The following COG5 variants were observed in gnomAD, a reference collection of about 807,000 sequenced individuals.
COG5 encodes the protein conserved oligomeric Golgi complex subunit 5.
Under a neutral mutation model 110.4 loss-of-function variants are expected in COG5, and 86 were observed. That is an observed-to-expected ratio of 0.78 (90% CI 0.65 to 0.93). The LOEUF (loss-of-function observed/expected upper bound fraction) is 0.93, where lower values mean the gene tolerates loss of function less well. Ranked by LOEUF, COG5 falls within the 40% of genes least tolerant of loss-of-function variation. The probability of loss-of-function intolerance (pLI) is 0.00; values close to 1 mark genes in which losing one functional copy is unlikely to be tolerated. For synonymous variants in COG5, 360 were observed against 334.6 expected (o/e 1.08, Z -0.83); for missense variants, 1,077 against 987.0 (o/e 1.09, Z -1.22).
At chr7:107,207,304 A>G (rs747209316) in intron 21 of COG5, among the ~76,000 whole-genome samples, 1 of 152,128 alleles carries the variant, frequency 6.6e-6, no homozygotes, top group Admixed American at 6.5e-5. Context: ...CCCTCCATCG[A>G]TGGAGATCTT....
At chr7:107,206,006 G>A (rs1798749464) in intron 21 of COG5, among the ~76,000 whole-genome samples, 1 of 151,466 alleles carries the variant, frequency 6.6e-6, no homozygotes, top group Non-Finnish European at 1.5e-5. Flanking sequence ...TGTCGCCCAG[G>A]CTGGAGTGCA....
At chr7:107,259,983 T>C (rs1426506001) in intron 14 of COG5, among the ~76,000 whole-genome samples, 2 of 151,784 alleles carry the variant, frequency 1.3e-5, no homozygotes, top group South Asian at 2.1e-4. Context: ...CTGGTGGGAA[T>C]GTAAAATTGG....
intron 11 of COG5, among the ~76,000 whole-genome samples, chr7:107,306,197 T>C (rs980037313): frequency 7.2e-5 from 11 of 152,088 alleles, no homozygotes; most frequent in African/African-American, 2.7e-4. Context: ...AAAAATATAA[T>C]TGTCTAGAGT....
chr7:107,506,292 T>C (rs1798991614), intron 6 of COG5, among the ~76,000 whole-genome samples: 2 of 152,188 alleles, frequency 1.3e-5, no homozygotes, highest in Non-Finnish European at 2.9e-5. Flanking sequence ...GGTCTTATGT[T>C]ACCCAGGGGC....
In COG5 at chr7:107,202,229, GTCA is replaced by G. The variant is rs1374462186; in HGVS notation, c.*1284_*1286del. 8.0e-5 allele frequency: 12 copies of G among 149,596 alleles called. No homozygotes were observed. Among genetic ancestry groups the G allele is most frequent in the African/African-American group, 2.7e-4 (11 of 41,340 alleles). 9.3% of individuals were successfully genotyped at this position (149,596 alleles called of 1,614,324 possible). A position where few individuals can be genotyped will look rare whatever the true frequency, so the allele number is the denominator to read the frequency against. ...CAGCCATGTATCTTAAATATATTTT[GTCA>G]TCATAATCTTTATGGTGGGGGCAGA... On this transcript the variant is annotated 3_prime_UTR_variant, in exon 22 of 22. Transcript: ENST00000297135.
intron 6 of COG5, chr7:107,481,041 G>C (rs1584878984): frequency 1.3e-5 from 2 of 152,250 alleles, no homozygotes; most frequent in East Asian, 3.9e-4. Context: ...ACTTGCACCA[G>C]CAAGTGGTAA....
intron 6 of COG5, among the ~76,000 whole-genome samples, chr7:107,516,991 T>C (rs1042393648): frequency 2.6e-5 from 4 of 152,292 alleles, no homozygotes; most frequent in African/African-American, 9.6e-5. Flanking sequence ...GGCGCAGAAC[T>C]GGACGGAGGA....
At chr7:107,290,639 GA>G (rs1484525100) in intron 12 of COG5, among the ~76,000 whole-genome samples, 4 of 152,094 alleles carry the variant, frequency 2.6e-5, no homozygotes, top group Admixed American at 2.6e-4. Context: ...TTAAATCAAG[GA>G]AAGTATTTTG....
intron 6 of COG5, among the ~76,000 whole-genome samples, chr7:107,427,227 T>C (rs1793699003): frequency 6.6e-6 from 1 of 152,158 alleles, no homozygotes; most frequent in African/African-American, 2.4e-5. Context: ...AGGAAAATAA[T>C]GGAGGGTTCC....
chr7:107,275,232 T>A (rs1314435410), intron 14 of COG5, among the ~76,000 whole-genome samples: 2 of 151,616 alleles, frequency 1.3e-5, no homozygotes, highest in Non-Finnish European at 2.9e-5. Flanking sequence ...GGTGGGAGGT[T>A]GCTTGAGGCC....
intron 6 of COG5, among the ~76,000 whole-genome samples, chr7:107,487,394 G>T (rs960143690): frequency 1.6e-4 from 25 of 151,978 alleles, no homozygotes; most frequent in Admixed American, 3.3e-4. Flanking sequence ...AGAGATGGGG[G>T]TCTCACTATG....
intron 12 of COG5, among the ~76,000 whole-genome samples, chr7:107,297,214 G>A (rs927370279): frequency 1.1e-4 from 16 of 152,110 alleles, no homozygotes; most frequent in African/African-American, 3.9e-4. Context: ...TACAATGGTC[G>A]TGGCTGTAAT....
intron 21 of COG5, chr7:107,210,146 T>G (rs967034233): frequency 1.9e-6 from 2 of 1,076,322 alleles, no homozygotes; most frequent in Admixed American, 4.6e-5. Context: ...TTTTTAAAAA[T>G]TCACTCACAT....
chr7:107,407,162 A>C (rs2129063756), intron 7 of COG5, among the ~76,000 whole-genome samples: 1 of 152,258 alleles, frequency 6.6e-6, no homozygotes, highest in African/African-American at 2.4e-5. Flanking sequence ...CGGGTCGATC[A>C]TCTGAGGTCA....
chr7:107,436,025 G>C (rs1246985781), intron 6 of COG5, among the ~76,000 whole-genome samples: 1 of 152,208 alleles, frequency 6.6e-6, no homozygotes, highest in Non-Finnish European at 1.5e-5. Flanking sequence ...ATGATATTAA[G>C]TGAAATATGC....
chr7:107,526,681 C>T (rs866871356), intron 6 of COG5, among the ~76,000 whole-genome samples: 13 of 152,272 alleles, frequency 8.5e-5, no homozygotes, highest in Admixed American at 2.6e-4. Context: ...CTGCAGGCTA[C>T]TCATACAATG....
At chr7:107,377,687 A>G (rs989899720) in intron 7 of COG5, among the ~76,000 whole-genome samples, 1 of 152,240 alleles carries the variant, frequency 6.6e-6, no homozygotes, top group Non-Finnish European at 1.5e-5. Flanking sequence ...CCTCATGTGC[A>G]TAACAGCAAA....
At position 107,404,833 on chromosome 7, in the gene COG5, G is replaced by C. The variant is rs186379495; in HGVS notation, c.669+7669C>G. On this transcript the variant is annotated intron_variant, in intron 7 of 21. Coordinates refer to ENST00000297135, the MANE Select transcript of COG5 (RefSeq NM_006348.5). ...AGAGTAAAATGGGGGTATGGCAAGA[G>C]AAGATGGTTGATGGAAAGTAAAGAG... Among the ~76,000 whole-genome samples, 3 of 133,854 alleles carry C rather than the reference G, an allele frequency of 2.2e-5. No homozygotes were observed. In the East Asian group the frequency reaches 6.9e-4, roughly 31 times the overall value. 87.8% of individuals were successfully genotyped at this position (133,854 alleles called of 152,430 possible). A position where few individuals can be genotyped will look rare whatever the true frequency, so the allele number is the denominator to read the frequency against.
At chr7:107,387,998 CTT>C (rs1479588390) in intron 7 of COG5, among the ~76,000 whole-genome samples, 1 of 152,230 alleles carries the variant, frequency 6.6e-6, no homozygotes, top group Admixed American at 6.5e-5. Context: ...GGCCCATTGG[CTT>C]ATGGTAATAA....
Sources: gnomAD v4.1 joint callset for allele counts (sites outside exome capture counted in the v4.1 genomes callset) on GRCh38, gnomAD v4.1.1 for gene constraint, MANE v1.5 for transcripts, NCBI Gene and HGNC (gene_info 2026-07-23, HGNC 2026-07-21) for gene names.